ACAP3: variants seen among roughly 807,000 people sequenced by gnomAD.
The protein encoded by ACAP3 is arf-GAP with coiled-coil, ANK repeat and PH domain-containing protein 3.
A neutral mutation model predicts 104.1 loss-of-function variants in ACAP3; 56 were observed. The ratio of observed to expected loss-of-function variants is 0.54; its 90% CI spans 0.43 to 0.67. The LOEUF (loss-of-function observed/expected upper bound fraction) is 0.67, where lower values mean the gene tolerates loss of function less well. Among genes scored for constraint, ACAP3 ranks in the 30% least tolerant of loss-of-function variants. The probability of loss-of-function intolerance (pLI) is 0.00; values close to 1 mark genes in which losing one functional copy is unlikely to be tolerated. For synonymous variants in ACAP3, 628 were observed against 496.2 expected (o/e 1.27, Z -3.53); for missense variants, 1,208 against 1,174.9 (o/e 1.03, Z -0.41).
In ACAP3 at chr1:1,300,762, T is replaced by C. The variant is rs901225697; in HGVS notation, c.339-70A>G. The stretch of plus-strand genomic sequence containing the variant: ...CTGCTGGATCCTGGAGTCTCCCACA[T>C]CGTTGTTTGTGTGTTTTTTGTTTTT... On this transcript the variant is annotated intron_variant, in intron 5 of 23. Transcript: ENST00000354700. The C allele has an allele frequency of 6.0e-6, 9 of 1,510,068 alleles. No individual in the cohort carries two copies. The Admixed American group carries it at 1.6e-4, about 27-fold the overall frequency. The allele number at this position is 1,510,068 out of a possible 1,614,324, so 93.5% of individuals were successfully genotyped here.
Position 1,297,870 on chromosome 1 carries a change from G to A in ACAP3, c.1080C>T (p.Ala360=). 6.2e-7 allele frequency: 1 copy of A among 1,612,066 alleles called. No individual in the cohort carries two copies. Among genetic ancestry groups the A allele is most frequent in the Non-Finnish European group, 8.5e-7 (1 of 1,179,544 alleles). ...LRQAWVQAVQ[A]SIASAYRESP... is the part of the protein sequence containing the mutation. ...TCTCGCGGTAGGCGGAGGCGATGCTGGCCTGCACAGCCTGGACCCAGGCTT... is the reference window on the plus strand; with the variant it reads ...TCTCGCGGTAGGCGGAGGCGATGCTAGCCTGCACAGCCTGGACCCAGGCTT... Residue 360 remains alanine, a synonymous_variant, in exon 14 of 24, where the codon GCC becomes GCT. Coordinates refer to ENST00000354700, the MANE Select transcript of ACAP3 (RefSeq NM_030649.3).
Position 1,292,798 on chromosome 1 carries a change from G to A in ACAP3, c.*766C>T, listed in dbSNP as rs1358373183. ...CGTCCTCAAGAGTCCACAGAGAAAA[G>A]ACGCAAGACAAAGTCAGACGAGGCC... On this transcript the variant is annotated 3_prime_UTR_variant, in exon 24 of 24. Coordinates refer to ENST00000354700, the MANE Select transcript of ACAP3 (RefSeq NM_030649.3). 7 of 152,338 alleles carry A rather than the reference G, an allele frequency of 4.6e-5. No homozygotes were observed. The highest frequency in any genetic ancestry group is 9.6e-5 in the African/African-American group (4 of 41,474). 9.4% of individuals were successfully genotyped at this position (152,338 alleles called of 1,614,324 possible).
rs1641563190 is a variant in ACAP3 at position 1,303,869 on chromosome 1, C to T, written c.105+217G>A. 10 of 632,604 alleles carry T rather than the reference C, an allele frequency of 1.6e-5. No homozygotes were observed. In the Admixed American group the frequency reaches 2.0e-4, roughly 12 times the overall value. The allele number at this position is 632,604 out of a possible 1,614,324, so 39.2% of individuals were successfully genotyped here. On this transcript the variant is annotated intron_variant, in intron 2 of 23. Coordinates refer to ENST00000354700, the MANE Select transcript of ACAP3 (RefSeq NM_030649.3). The surrounding 1 kb of genome is among the most constrained non-coding windows in gnomAD (Gnocchi z 4.0). ...GGGACTCACCACAGCCCAGCCCCTC[C>T]CAGATGGGACGAGACTCAGGGCCAG...
chr1:1,298,348 C>T, intron 12 of ACAP3, 22 bp downstream of exon 12: 2 of 1,606,124 alleles, frequency 1.2e-6, no homozygotes, highest in Non-Finnish European at 1.7e-6. Flanking sequence ...ATCAGGGCCC[C>T]AGCCCCAGGC....
intron 11 of ACAP3, 45 bp from the exon 12 acceptor site, chr1:1,298,466 A>C: frequency 6.3e-7 from 1 of 1,592,076 alleles, no homozygotes; most frequent in South Asian, 1.1e-5. Flanking sequence ...GGCCCATCCC[A>C]GGGCTGCTGT....
intron 9 of ACAP3, 62 bp from the exon 10 acceptor site, chr1:1,299,418 C>T: frequency 6.8e-7 from 1 of 1,469,794 alleles, no homozygotes; most frequent in Non-Finnish European, 9.0e-7. Flanking sequence ...CTGCCAACTC[C>T]TGGTGACTGG....
Position 1,296,505 on chromosome 1 carries a change from G to T in ACAP3, c.1257C>A (p.Gly419=), listed in dbSNP as rs371372231. 79 of 1,541,424 alleles carry T rather than the reference G, an allele frequency of 5.1e-5. No individual in the cohort carries two copies. Among genetic ancestry groups the T allele is most frequent in the Non-Finnish European group, 6.4e-5 (73 of 1,146,718 alleles). The change falls in exon 15 of 24, where the codon GGC becomes GGA. Residue 419 remains glycine (G), a synonymous_variant. Transcript: ENST00000354700. ...VQSVAGNSQC[G]DCGQPDPRWA... is the part of the protein sequence containing the mutation. ...AGCGGGGGTCCGGCTGGCCGCAGTCGCCGCACTGGCTGTTGCCGGCCACAC... is the reference window on the plus strand; with the variant it reads ...AGCGGGGGTCCGGCTGGCCGCAGTCTCCGCACTGGCTGTTGCCGGCCACAC...
chr1:1,293,712 C>T lies in ACAP3; in HGVS notation c.2361-4G>A, dbSNP rs1216188861. The T allele has an allele frequency of 1.4e-6, 2 of 1,443,360 alleles. No individual in the cohort carries two copies. The highest frequency in any genetic ancestry group is 1.8e-6 in the Non-Finnish European group (2 of 1,107,252). 89.4% of individuals were successfully genotyped at this position (1,443,360 alleles called of 1,614,324 possible). A position where few individuals can be genotyped will look rare whatever the true frequency, so the allele number is the denominator to read the frequency against. ...CGCCATGCGCGCCAGACGGAGCCTA[C>T]GGGGAGGCACAGCGTGAGACGCCCC... On this transcript the variant is annotated splice_region_variant and splice_polypyrimidine_tract_variant and intron_variant, in intron 23 of 23. Coordinates refer to ENST00000354700, the MANE Select transcript of ACAP3 (RefSeq NM_030649.3).
chr1:1,301,710 A>C, intron 5 of ACAP3: 1 of 303,656 alleles, frequency 3.3e-6, no homozygotes, highest in Non-Finnish European at 6.0e-6. Context: ...AGATCTGTCC[A>C]GCCCAGACCC....
chr1:1,300,193 G>A lies in ACAP3; in HGVS notation c.532C>T (p.Leu178=), dbSNP rs1641383948. The A allele has an allele frequency of 6.2e-7, 1 of 1,609,352 alleles. No individual in the cohort carries two copies. The highest frequency in any genetic ancestry group is 8.5e-7 in the Non-Finnish European group (1 of 1,178,036). Residue 178 remains leucine, a synonymous_variant, in exon 7 of 24, where the codon CTG becomes TTG. Coordinates refer to ENST00000354700, the MANE Select transcript of ACAP3 (RefSeq NM_030649.3). ...ALDYVLQINV[L]QAKKKFEILD... ...ATCTCAAACTTCTTCTTGGCCTGCAGAACATTGATCTGCCAGAGGGGGAGC... is the reference window on the plus strand; with the variant it reads ...ATCTCAAACTTCTTCTTGGCCTGCAAAACATTGATCTGCCAGAGGGGGAGC...
intron 1 of ACAP3, chr1:1,305,353 C>T (rs1328542040): frequency 6.5e-6 from 1 of 152,738 alleles, no homozygotes; most frequent in Admixed American, 6.5e-5. Context: ...CTGACCTCTA[C>T]CTCAGCTGGA....
chr1:1,300,051 G>A lies in ACAP3; in HGVS notation c.585C>T (p.His195=), dbSNP rs138265184. Residue 195 remains histidine (H), a synonymous_variant, in exon 8 of 24, where the codon CAC becomes CAT. Coordinates refer to ENST00000354700, the MANE Select transcript of ACAP3 (RefSeq NM_030649.3). ...CCTGCTGGAAGAAGCTGGACTGGGC[G>A]TGCATGAAGGACAGCATCTGCGGGG... ...EILDSMLSFM[H]AQSSFFQQGY... The A allele has an allele frequency of 1.7e-4, 278 of 1,612,520 alleles. 1 individual carries two copies. In the African/African-American group the frequency reaches 2.9e-3, roughly 17 times the overall value.
intron 1 of ACAP3, chr1:1,305,107 G>A (rs575127692): frequency 7.9e-5 from 12 of 152,556 alleles, no homozygotes; most frequent in Non-Finnish European, 1.8e-4. Flanking sequence ...GGAGGGGCCT[G>A]TGGTTTACAT....
chr1:1,304,443 A>C (rs1470487378), intron 1 of ACAP3: 3 of 514,474 alleles, frequency 5.8e-6, no homozygotes, highest in Non-Finnish European at 7.1e-6. Flanking sequence ...AGTGCCCACC[A>C]AGGGCTGAGC....
rs574689077 is a variant in ACAP3, at chr1:1,294,573, C to T, written c.1968G>A (p.Glu656=). 4.7e-4 allele frequency: 704 copies of T among 1,511,416 alleles called. 1 individual carries two copies. Among genetic ancestry groups the T allele is most frequent in the Non-Finnish European group, 5.8e-4 (657 of 1,137,518 alleles). 93.6% of individuals were successfully genotyped at this position (1,511,416 alleles called of 1,614,324 possible). ...SGEADGDTEA[E]AWGLADVREL... is the part of the protein sequence containing the mutation. ...CGCGCACGTCCGCCAGGCCCCAGGC[C>T]TCGGCCTCAGTGTCCCCGTCTGCCT... Residue 656 remains glutamate (E), a synonymous_variant, in exon 21 of 24, where the codon GAG becomes GAA. Coordinates refer to ENST00000354700, the MANE Select transcript of ACAP3 (RefSeq NM_030649.3).
chr1:1,299,257 G>A (rs1414207160), intron 10 of ACAP3, 88 bp downstream of exon 10: 15 of 1,510,408 alleles, frequency 9.9e-6, no homozygotes, highest in Admixed American at 1.9e-5. Context: ...CCTTGGTGCT[G>A]AAGTGCCCTT....
At chr1:1,296,962 T>C (rs1199389866) in intron 14 of ACAP3, among the ~76,000 whole-genome samples, 1 of 152,186 alleles carries the variant, frequency 6.6e-6, no homozygotes, top group Non-Finnish European at 1.5e-5. Context: ...CACCCTCACA[T>C]GGGCAGATGG....
intron 5 of ACAP3, 113 bp downstream of exon 5, chr1:1,301,875 C>A: frequency 9.5e-7 from 1 of 1,049,880 alleles, no homozygotes; most frequent in Non-Finnish European, 1.3e-6. Flanking sequence ...GGAGCCGCTG[C>A]ACAGCCTGGA....
chr1:1,302,898 A>G, intron 4 of ACAP3, 24 bp downstream of exon 4: 2 of 1,597,598 alleles, frequency 1.3e-6, no homozygotes, highest in Non-Finnish European at 1.7e-6. Context: ...CACAGCCCAC[A>G]GGTGGCAGGG....
Sources: allele counts gnomAD v4.1 joint callset (sites outside exome capture counted in the v4.1 genomes callset), GRCh38; gene constraint gnomAD v4.1.1; non-coding constraint Gnocchi (gnomAD v3.1); transcripts MANE v1.5; gene names NCBI Gene and HGNC (gene_info 2026-07-23, HGNC 2026-07-21).